PDSS2: variants seen among roughly 807,000 people sequenced by gnomAD.
PDSS2 encodes the protein all trans-polyprenyl-diphosphate synthase PDSS2.
PDSS2 carries 31 observed loss-of-function variants against 44.5 expected under a neutral mutation model. The observed-to-expected ratio is 0.70, with a 90% CI of 0.52 to 0.94. The LOEUF is 0.94. Among genes scored for constraint, PDSS2 ranks in the 40% least tolerant of loss-of-function variants. The pLI is 0.00. For missense variants in PDSS2, 452 were observed against 482.2 expected (o/e 0.94, Z 0.59); for synonymous variants, 157 against 180.3 (o/e 0.87, Z 1.03).
intron 3 of PDSS2, among the ~76,000 whole-genome samples, chr6:107,266,178 T>C (rs1381710585): frequency 1.3e-5 from 2 of 152,190 alleles, no homozygotes; most frequent in African/African-American, 4.8e-5. Context: ...GCTCTGAATA[T>C]GGGAGATTTG....
At chr6:107,393,065 T>C (rs961363228) in intron 1 of PDSS2, among the ~76,000 whole-genome samples, 8 of 152,202 alleles carry the variant, frequency 5.3e-5, no homozygotes, top group African/African-American at 1.9e-4. Flanking sequence ...TTCTGCTCTA[T>C]ATTACTGCCT....
chr6:107,446,180 G>A (rs2114830838), intron 1 of PDSS2, among the ~76,000 whole-genome samples: 1 of 152,170 alleles, frequency 6.6e-6, no homozygotes, highest in East Asian at 1.9e-4. Flanking sequence ...GCTGGGCGTG[G>A]TGGTGCACAC....
At position 107,459,365 on chromosome 6, in the gene PDSS2, T is replaced by TA. The variant is rs775839467; in HGVS notation, c.-81dup. On this transcript the variant is annotated 5_prime_UTR_variant, in exon 1 of 8. Transcript: ENST00000369037. This position sits in a 1 kb window ranked among gnomAD's most constrained non-coding sequence, Gnocchi z 4.3. ...ACAAACCAGGGGCAGAGGAGGAACT[T>TA]ACAGTAACTAAAAGGAAGCGGCAAT... 3.6e-5 allele frequency: 43 copies of TA among 1,183,694 alleles called. No homozygotes were observed. Among genetic ancestry groups the TA allele is most frequent in the East Asian group, 9.5e-5 (4 of 42,154 alleles). 73.3% of individuals were successfully genotyped at this position (1,183,694 alleles called of 1,614,324 possible). A position where few individuals can be genotyped will look rare whatever the true frequency, so the allele number is the denominator to read the frequency against.
intron 3 of PDSS2, among the ~76,000 whole-genome samples, chr6:107,269,344 G>C (rs1231234072): frequency 1.1e-5 from 1 of 93,684 alleles, no homozygotes; most frequent in South Asian, 3.5e-4. Context: ...GTGTGTCTGT[G>C]TGTGTGTGTG....
intron 1 of PDSS2, among the ~76,000 whole-genome samples, chr6:107,429,677 GAGTTTGAGACC>G (rs1211921358): frequency 7.3e-5 from 11 of 151,612 alleles, no homozygotes; most frequent in Admixed American, 6.6e-4. Context: ...CTGAGGTCGG[GAGTTTGAGACC>G]AGCCTGACCA....
intron 1 of PDSS2, among the ~76,000 whole-genome samples, chr6:107,420,645 G>C (rs1242133133): frequency 2.0e-5 from 3 of 152,066 alleles, no homozygotes; most frequent in Non-Finnish European, 4.4e-5. Context: ...AAATAAAATA[G>C]AAGCTTGACT....
At chr6:107,227,702 G>C (rs75568589) in intron 4 of PDSS2, among the ~76,000 whole-genome samples, 3,411 of 152,222 alleles carry the variant, frequency 0.022, 206 homozygotes, top group East Asian at 0.21. Flanking sequence ...AGGTGAACCT[G>C]GTAAGGAGCA....
intron 1 of PDSS2, among the ~76,000 whole-genome samples, chr6:107,384,774 A>G (rs1370805729): frequency 6.6e-6 from 1 of 152,220 alleles, no homozygotes; most frequent in African/African-American, 2.4e-5. Context: ...ACTCACACTC[A>G]CACAACTTGT....
At chr6:107,188,069 C>T (rs990975577) in intron 7 of PDSS2, among the ~76,000 whole-genome samples, 1 of 152,066 alleles carries the variant, frequency 6.6e-6, no homozygotes, top group Admixed American at 6.5e-5. Context: ...TAGCATAGTG[C>T]CTCCAATATA....
intron 2 of PDSS2, among the ~76,000 whole-genome samples, chr6:107,305,886 T>A (rs1400121504): frequency 6.6e-6 from 1 of 152,206 alleles, no homozygotes; most frequent in Admixed American, 6.5e-5. Flanking sequence ...GGCCTTAACA[T>A]TATATTTAGA....
chr6:107,152,856 C>T lies in PDSS2; in HGVS notation c.*1763G>A, dbSNP rs1278118117. 1.3e-5 allele frequency: 2 copies of T among 152,172 alleles called. No individual in the cohort carries two copies. The highest frequency in any genetic ancestry group is 4.8e-5 in the African/African-American group (2 of 41,432). 9.4% of individuals were successfully genotyped at this position (152,172 alleles called of 1,614,324 possible). A position where few individuals can be genotyped will look rare whatever the true frequency, so the allele number is the denominator to read the frequency against. ...TCTTTGTGGAAGTTAATGATTAAAACCTAGTCTGATCTAAAGCATCTTATC... is the reference window on the plus strand; with the variant it reads ...TCTTTGTGGAAGTTAATGATTAAAATCTAGTCTGATCTAAAGCATCTTATC... On this transcript the variant is annotated 3_prime_UTR_variant, in exon 8 of 8. Transcript: ENST00000369037.
chr6:107,306,904 T>A (rs1776877491), intron 2 of PDSS2, among the ~76,000 whole-genome samples: 1 of 152,214 alleles, frequency 6.6e-6, no homozygotes, highest in Admixed American at 6.5e-5. Flanking sequence ...AGTTTGCAAA[T>A]CTTTGTTTCA....
At chr6:107,259,361 AG>A (rs1366608164) in intron 3 of PDSS2, among the ~76,000 whole-genome samples, 2 of 152,134 alleles carry the variant, frequency 1.3e-5, no homozygotes, top group African/African-American at 4.8e-5. Context: ...GGGGATAAAA[AG>A]AAACAAAAGA....
At chr6:107,261,779 A>G (rs1224095917) in intron 3 of PDSS2, among the ~76,000 whole-genome samples, 2 of 147,222 alleles carry the variant, frequency 1.4e-5, no homozygotes, top group East Asian at 4.1e-4. Flanking sequence ...GGGTTTTGGC[A>G]TGTTGGCCAG....
At chr6:107,386,882 C>T (rs1779628061) in intron 1 of PDSS2, among the ~76,000 whole-genome samples, 1 of 152,084 alleles carries the variant, frequency 6.6e-6, no homozygotes, top group Non-Finnish European at 1.5e-5. Flanking sequence ...TAAAACAATG[C>T]AAAATTAAAG....
At chr6:107,351,352 C>T (rs939335763) in intron 1 of PDSS2, among the ~76,000 whole-genome samples, 1 of 152,040 alleles carries the variant, frequency 6.6e-6, no homozygotes, top group African/African-American at 2.4e-5. Flanking sequence ...TCTGCTCTTC[C>T]CCAAGAGTAG....
At chr6:107,439,335 G>A (rs2114796327) in intron 1 of PDSS2, among the ~76,000 whole-genome samples, 1 of 152,312 alleles carries the variant, frequency 6.6e-6, no homozygotes, top group East Asian at 1.9e-4. Context: ...AAGTGACCAT[G>A]CAACCTAGCT....
chr6:107,404,695 C>T lies in PDSS2; in HGVS notation c.296+54295G>A, dbSNP rs147468165. On this transcript the variant is annotated intron_variant, in intron 1 of 7. Coordinates refer to ENST00000369037, the MANE Select transcript of PDSS2 (RefSeq NM_020381.4). Reference sequence around the variant, plus strand: ...ATCATGAGAACAGCATGGAGGTAACCGCCCCCATGATTCAATTACCTTCCC... The same window carrying T: ...ATCATGAGAACAGCATGGAGGTAACTGCCCCCATGATTCAATTACCTTCCC... 6.0e-4 allele frequency among the ~76,000 whole-genome samples: 91 copies of T among 152,192 alleles called. 1 individual carries two copies. Among genetic ancestry groups the T allele is most frequent in the Middle Eastern group, 3.4e-3 (1 of 294 alleles).
intron 3 of PDSS2, 104 bp downstream of exon 3, chr6:107,273,925 A>G: frequency 1.2e-6 from 1 of 818,704 alleles, no homozygotes; most frequent in East Asian, 2.4e-5. Context: ...GAGCATGTAC[A>G]TGAGGGGAGT....
Sources: gnomAD v4.1 joint callset for allele counts (sites outside exome capture counted in the v4.1 genomes callset) on GRCh38, gnomAD v4.1.1 for gene constraint, Gnocchi (gnomAD v3.1) non-coding constraint, MANE v1.5 for transcripts, NCBI Gene and HGNC (gene_info 2026-07-23, HGNC 2026-07-21) for gene names.